Variants in CEACAM4 observed in about 807,000 individuals in gnomAD.
CEACAM4 encodes cell adhesion molecule CEACAM4.
A neutral mutation model predicts 28.7 loss-of-function variants in CEACAM4; 30 were observed. The observed-to-expected ratio is 1.05, with a 90% CI of 0.78 to 1.42. The LOEUF (loss-of-function observed/expected upper bound fraction) is 1.42. Ranked by LOEUF, CEACAM4 falls within the 40% of genes most tolerant of loss-of-function variation. CEACAM4 has a pLI of 0.00. For missense variants in CEACAM4, 330 were observed against 308.2 expected (o/e 1.07, Z -0.53); for synonymous variants, 143 against 126.5 (o/e 1.13, Z -0.87).
chr19:41,626,683 G>A (rs1555804337), intron 1 of CEACAM4, among the ~76,000 whole-genome samples: 1 of 152,150 alleles, frequency 6.6e-6, no homozygotes, highest in Non-Finnish European at 1.5e-5. Context: ...AGATTTTCCT[G>A]CCTTTTACCA....
rs1384790112 is a variant in CEACAM4, at chr19:41,625,767, A to C, written c.258T>G (p.Ile86Met). Residue 86 changes from isoleucine (I) to methionine (M), a missense_variant, in exon 2 of 7, where the codon ATT (isoleucine) becomes ATG (methionine). Coordinates refer to ENST00000221954, the MANE Select transcript of CEACAM4 (RefSeq NM_001817.4). ...SPLIAGYITD[I>M]QANIPGAAYS... is the part of the protein sequence containing the mutation. ...ATGCGGCCCCTGGGATATTTGCTTG[A>C]ATGTCTGTTATATAACCAGCAATGA... is the stretch of plus-strand genomic sequence containing the variant. 6.8e-6 allele frequency: 11 copies of C among 1,613,826 alleles called. No individual in the cohort carries two copies. Among genetic ancestry groups the C allele is most frequent in the Non-Finnish European group, 9.3e-6 (11 of 1,179,960 alleles).
chr19:41,625,524 C>T (rs1197872123), intron 2 of CEACAM4, 77 bp downstream of exon 2: 3 of 1,505,000 alleles, frequency 2.0e-6, no homozygotes, highest in South Asian at 1.3e-5. Flanking sequence ...GATGCAGGCA[C>T]AGCCCAGGCC....
downstream of CEACAM4, among the ~76,000 whole-genome samples, chr19:41,617,142 A>C (rs116264496): frequency 2.0e-4 from 31 of 152,136 alleles, no homozygotes; most frequent in Admixed American, 1.2e-3. Context: ...AATTAGCCTC[A>C]CTGAGTCACT....
At chr19:41,614,133 T>C (rs182934335), downstream of CEACAM4, among the ~76,000 whole-genome samples, 191 of 152,358 alleles carry the variant, frequency 1.3e-3, no homozygotes, top group Middle Eastern at 3.4e-3. Flanking sequence ...GGCTACACTA[T>C]GATCTTTTAC....
In CEACAM4 at chr19:41,625,842, A is replaced by C. The variant is rs1271571622; in HGVS notation, c.183T>G (p.Thr61=). The change falls in exon 2 of 7, where the codon ACT becomes ACG. Residue 61 remains threonine, a synonymous_variant. Transcript: ENST00000221954. ...CCTTGTGCCAATAATAGGCTTGAAT[A>C]GTTTCTGAAATATTGCAGGCCAGTA... ...VLLLACNISE[T]IQAYYWHKGK... 3 of 1,613,928 alleles carry C rather than the reference A, an allele frequency of 1.9e-6. No individual in the cohort carries two copies. The highest frequency in any genetic ancestry group is 2.5e-6 in the Non-Finnish European group (3 of 1,179,994).
At chr19:41,624,441 G>A (rs1378865084) in intron 2 of CEACAM4, among the ~76,000 whole-genome samples, 1 of 152,186 alleles carries the variant, frequency 6.6e-6, no homozygotes, top group East Asian at 1.9e-4. Context: ...GGACCTGAGC[G>A]AGGAGGCCTG....
Position 41,627,042 on chromosome 19 carries a change from G to GGCTGTC in CEACAM4, c.-85_-80dup, listed in dbSNP as rs1304555237. 8.0e-7 allele frequency: 1 copy of GGCTGTC among 1,251,104 alleles called. No individual in the cohort carries two copies. The highest frequency in any genetic ancestry group is 1.1e-6 in the Non-Finnish European group (1 of 903,206). 77.5% of individuals were successfully genotyped at this position (1,251,104 alleles called of 1,614,324 possible). The stretch of plus-strand genomic sequence containing the variant: ...TCTTGTCAGAGCTGCTGTGACTGTC[G>GGCTGTC]GCTGTCGGGGCTGCTGACCTTCCTC... On this transcript the variant is annotated 5_prime_UTR_variant, in exon 1 of 7. Coordinates refer to ENST00000221954, the MANE Select transcript of CEACAM4 (RefSeq NM_001817.4).
In CEACAM4 at chr19:41,626,965, G is replaced by T. The variant is rs781945879; in HGVS notation, c.-2C>A. On this transcript the variant is annotated 5_prime_UTR_variant, in exon 1 of 7. Coordinates refer to ENST00000221954, the MANE Select transcript of CEACAM4 (RefSeq NM_001817.4). ...GGGAGCGGCTGAGGGGGGGCCCATG[G>T]TCTCTGCTGCCTGCTTGTCCTCTGT... The T allele has an allele frequency of 6.2e-7, 1 of 1,603,306 alleles. No individual in the cohort carries two copies. Among genetic ancestry groups the T allele is most frequent in the Non-Finnish European group, 8.5e-7 (1 of 1,174,592 alleles).
intron 3 of CEACAM4, 90 bp from the exon 4 acceptor site, chr19:41,620,717 A>C: frequency 8.8e-7 from 1 of 1,129,948 alleles, no homozygotes; most frequent in Non-Finnish European, 1.3e-6. Flanking sequence ...CTCCATTTTC[A>C]AGGACTGGAG....
downstream of CEACAM4, among the ~76,000 whole-genome samples, chr19:41,615,656 C>T (rs2070974888): frequency 6.6e-6 from 1 of 152,028 alleles, no homozygotes; most frequent in Non-Finnish European, 1.5e-5. Flanking sequence ...ATGCCTATTT[C>T]CAGGAGAGAT....
chr19:41,615,696 T>C (rs1369776521), downstream of CEACAM4, among the ~76,000 whole-genome samples: 2 of 151,872 alleles, frequency 1.3e-5, no homozygotes, highest in Non-Finnish European at 2.9e-5. Context: ...AGACATTGAG[T>C]GTGAGGACAG....
downstream of CEACAM4, among the ~76,000 whole-genome samples, chr19:41,618,457 A>G (rs2071049369): frequency 6.6e-6 from 1 of 152,144 alleles, no homozygotes. Context: ...AGGGATAAAG[A>G]TGTCCTGAGC....
At chr19:41,624,346 G>C (rs1555802959) in intron 2 of CEACAM4, among the ~76,000 whole-genome samples, 1 of 152,102 alleles carries the variant, frequency 6.6e-6, no homozygotes, top group African/African-American at 2.4e-5. Flanking sequence ...AGAAAGCAAA[G>C]TCCTCCCCTT....
chr19:41,616,534 TAGATA>T (rs1468056761), downstream of CEACAM4, among the ~76,000 whole-genome samples: 2 of 139,656 alleles, frequency 1.4e-5, no homozygotes, highest in Non-Finnish European at 3.2e-5. Flanking sequence ...GATAGATAGA[TAGATA>T]GATAGATATT....
At chr19:41,615,779 A>G (rs73931722), downstream of CEACAM4, among the ~76,000 whole-genome samples, 6,127 of 152,150 alleles carry the variant, frequency 0.04, 428 homozygotes, top group African/African-American at 0.14. Flanking sequence ...AAAGCACAGA[A>G]GCCCTCCATT....
chr19:41,626,673 A>G (rs1422809212), intron 1 of CEACAM4, among the ~76,000 whole-genome samples: 1 of 152,158 alleles, frequency 6.6e-6, no homozygotes, highest in African/African-American at 2.4e-5. Context: ...AGAACACTTG[A>G]GATTTTCCTG....
At chr19:41,613,595 G>A in the CEACAM4 span, among the ~76,000 whole-genome samples, 3 of 151,952 alleles carry the variant, frequency 2.0e-5, no homozygotes, top group African/African-American at 7.3e-5. Context: ...ATGGGTCAAG[G>A]CCTTTATTAG....
chr19:41,620,859 G>A (rs1312686855), intron 3 of CEACAM4, among the ~76,000 whole-genome samples: 4 of 151,922 alleles, frequency 2.6e-5, no homozygotes, highest in African/African-American at 9.7e-5. Flanking sequence ...CGGGTGAGGA[G>A]AACATTGACC....
chr19:41,619,583 G>A (rs2071127009), intron 6 of CEACAM4, 87 bp downstream of exon 6: 1 of 1,559,686 alleles, frequency 6.4e-7, no homozygotes, highest in Non-Finnish European at 8.7e-7. Flanking sequence ...GCATTTTCCT[G>A]AATCTGAGCT....
Sources: gnomAD v4.1 joint callset for allele counts (sites outside exome capture counted in the v4.1 genomes callset) on GRCh38, gnomAD v4.1.1 for gene constraint, MANE v1.5 for transcripts, NCBI Gene and HGNC (gene_info 2026-07-23, HGNC 2026-07-21) for gene names.